The following CAMTA1 variants were observed in gnomAD, a reference collection of about 807,000 sequenced individuals.
CAMTA1 encodes calmodulin-binding transcription activator 1.
Under a neutral mutation model 170.9 loss-of-function variants are expected in CAMTA1, and 27 were observed. The observed-to-expected ratio is 0.16, with a 90% confidence interval of 0.12 to 0.22. CAMTA1 has a LOEUF of 0.22. CAMTA1 is among the 10% of genes least tolerant of loss of function. The pLI is 1.00. For missense variants in CAMTA1, 1,619 were observed against 2,217.2 expected, an observed-to-expected ratio of 0.73 and a Z score of 5.42; for synonymous variants, 833 against 891.5, an observed-to-expected ratio of 0.93 and a Z score of 1.17.
At chr1:7,156,506 C>T (rs1350632140) in intron 4 of CAMTA1, among the ~76,000 whole-genome samples, 1 of 152,156 alleles carries the variant, frequency 6.6e-6, no homozygotes, top group African/African-American at 2.4e-5. Flanking sequence ...AAAATGAGCT[C>T]CCTCTGACCT....
At chr1:7,172,482 GGGAGGTGAAGGTATGCGGAGCAT>G (rs140813513) in intron 4 of CAMTA1, among the ~76,000 whole-genome samples, 1,670 of 152,292 alleles carry the variant, frequency 0.011, 26 homozygotes, top group African/African-American at 0.038. Flanking sequence ...AGAGCTTCTA[GGGAGGTGAAGGTATGCGGAGCAT>G]GAACAACAGC....
chr1:7,043,798 A>G (rs1330314806), intron 3 of CAMTA1, among the ~76,000 whole-genome samples: 1 of 152,136 alleles, frequency 6.6e-6, no homozygotes, highest in Non-Finnish European at 1.5e-5. Flanking sequence ...GCATTTAGCA[A>G]ATACTCGGGC....
intron 6 of CAMTA1, among the ~76,000 whole-genome samples, chr1:7,630,639 C>G (rs553263999): frequency 6.6e-6 from 1 of 152,252 alleles, no homozygotes; most frequent in Non-Finnish European, 1.5e-5. Context: ...GAAGGGCTGC[C>G]GGCCTGACTC....
chr1:7,446,561 G>A (rs1016571262), intron 5 of CAMTA1, among the ~76,000 whole-genome samples: 4 of 152,186 alleles, frequency 2.6e-5, no homozygotes, highest in East Asian at 1.9e-4. Context: ...CCTACTGGGC[G>A]AATGAGCCTC....
At position 7,093,145 on chromosome 1, in the gene CAMTA1, C is replaced by A. The variant is rs1429742729; in HGVS notation, c.302+1774C>A. ...TCTTCTGCGGCATCTTCTTGGAGGA[C>A]ATCATTCTCAAACTTGAGCAGGCAT... On this transcript the variant is annotated intron_variant, in intron 4 of 22. Transcript: ENST00000303635. The surrounding 1 kb of genome is among the most constrained non-coding windows in gnomAD (Gnocchi z 4.6). Among the ~76,000 whole-genome samples the A allele has an allele frequency of 6.6e-6, 1 of 152,170 alleles. No individual in the cohort carries two copies. The highest frequency in any genetic ancestry group is 2.4e-5 in the African/African-American group (1 of 41,446).
intron 4 of CAMTA1, among the ~76,000 whole-genome samples, chr1:7,116,448 C>A (rs995529229): frequency 3.3e-5 from 5 of 152,102 alleles, no homozygotes; most frequent in African/African-American, 1.2e-4. Context: ...TTGCCTACAA[C>A]TTCTCATTTA....
intron 3 of CAMTA1, among the ~76,000 whole-genome samples, chr1:6,837,894 C>T (rs746972737): frequency 1.3e-5 from 2 of 152,106 alleles, no homozygotes; most frequent in Non-Finnish European, 2.9e-5. Flanking sequence ...GGTAGTGAGG[C>T]ATAAGTGTTT....
chr1:7,044,761 C>T lies in CAMTA1; in HGVS notation c.235-46543C>T, dbSNP rs530667753. Among the ~76,000 whole-genome samples, 7 of 152,116 alleles carry T rather than the reference C, an allele frequency of 4.6e-5. No individual in the cohort carries two copies. Among genetic ancestry groups the T allele is most frequent in the African/African-American group, 1.2e-4 (5 of 41,506 alleles). On this transcript the variant is annotated intron_variant, in intron 3 of 22. Transcript: ENST00000303635. The surrounding 1 kb of genome is among the most constrained non-coding windows in gnomAD (Gnocchi z 5.0). ...GGGAACTTACCCTGCGTGCAGTCCT[C>T]CTGCCCCCCTGCCTGGCGCATCTTT...
chr1:6,859,621 T>A (rs369768767), intron 3 of CAMTA1, among the ~76,000 whole-genome samples: 2 of 151,962 alleles, frequency 1.3e-5, no homozygotes, highest in African/African-American at 4.8e-5. Flanking sequence ...AGACCTGGCT[T>A]TACACAAAAT....
intron 3 of CAMTA1, among the ~76,000 whole-genome samples, chr1:6,889,404 A>T (rs912457783): frequency 6.6e-6 from 1 of 152,228 alleles, no homozygotes; most frequent in Non-Finnish European, 1.5e-5. Context: ...TGTAAAGAAA[A>T]ATTCTTGATT....
Position 7,065,476 on chromosome 1 carries a change from G to C in CAMTA1, c.235-25828G>C, listed in dbSNP as rs1708839107. ...AAGGAGAGAGGGCTGGAGGAAGAAAGGAAGAGAAACTAATTTTGACTGGGC... is the reference window on the plus strand; with the variant it reads ...AAGGAGAGAGGGCTGGAGGAAGAAACGAAGAGAAACTAATTTTGACTGGGC... On this transcript the variant is annotated intron_variant, in intron 3 of 22. Coordinates refer to ENST00000303635, the MANE Select transcript of CAMTA1 (RefSeq NM_015215.4). The surrounding 1 kb of genome is among the most constrained non-coding windows in gnomAD (Gnocchi z 5.2). 6.6e-6 allele frequency among the ~76,000 whole-genome samples: 1 copy of C among 152,176 alleles called. No individual in the cohort carries two copies. Among genetic ancestry groups the C allele is most frequent in the African/African-American group, 2.4e-5 (1 of 41,442 alleles).
chr1:6,839,407 A>C (rs574003486), intron 3 of CAMTA1, among the ~76,000 whole-genome samples: 32 of 150,678 alleles, frequency 2.1e-4, no homozygotes, highest in South Asian at 4.2e-4. Context: ...AAAACAAAAA[A>C]CCCCCCCAAA....
intron 6 of CAMTA1, among the ~76,000 whole-genome samples, chr1:7,567,502 G>T (rs114055160): frequency 6.6e-6 from 1 of 152,210 alleles, no homozygotes; most frequent in Non-Finnish European, 1.5e-5. Flanking sequence ...GGTGGTGGCC[G>T]ATGACAGGGA....
intron 4 of CAMTA1, among the ~76,000 whole-genome samples, chr1:7,142,969 C>T (rs1192440263): frequency 6.6e-6 from 1 of 152,210 alleles, no homozygotes; most frequent in Admixed American, 6.5e-5. Context: ...ATTTTCATGC[C>T]TGAGCTGTCT....
intron 11 of CAMTA1, among the ~76,000 whole-genome samples, chr1:7,704,025 TCCCCGCCCACCGTCCTCCG>T (rs1360121048): frequency 6.6e-6 from 1 of 151,564 alleles, no homozygotes; most frequent in African/African-American, 2.4e-5. Context: ...GCCGCCACCG[TCCCCGCCCACCGTCCTCCG>T]CCCCGCCCTG....
At chr1:7,245,880 A>G (rs1202711533) in intron 4 of CAMTA1, among the ~76,000 whole-genome samples, 3 of 152,118 alleles carry the variant, frequency 2.0e-5, no homozygotes, top group Admixed American at 1.3e-4. Context: ...GAGGAGGAGG[A>G]ATGCAAATGA....
At chr1:7,098,572 G>A (rs773786276) in intron 4 of CAMTA1, among the ~76,000 whole-genome samples, 2 of 152,182 alleles carry the variant, frequency 1.3e-5, no homozygotes, top group African/African-American at 4.8e-5. Context: ...GTGTCTGGCG[G>A]TGTCTCGACA....
At chr1:7,134,025 G>C (rs1237850494) in intron 4 of CAMTA1, among the ~76,000 whole-genome samples, 2 of 152,116 alleles carry the variant, frequency 1.3e-5, no homozygotes, top group Non-Finnish European at 2.9e-5. Context: ...TGCCCAACAG[G>C]TAGTTTTTCC....
intron 3 of CAMTA1, among the ~76,000 whole-genome samples, chr1:6,932,986 T>A (rs1553190189): frequency 1.3e-5 from 2 of 152,198 alleles, no homozygotes; most frequent in Non-Finnish European, 2.9e-5. Context: ...AGAAGTTAAT[T>A]ATGATAATGT....
Sources: gnomAD v4.1 joint callset for allele counts (sites outside exome capture counted in the v4.1 genomes callset) on GRCh38, gnomAD v4.1.1 for gene constraint, Gnocchi (gnomAD v3.1) non-coding constraint, MANE v1.5 for transcripts, NCBI Gene and HGNC (gene_info 2026-07-23, HGNC 2026-07-21) for gene names.